VAMP7: variants seen among roughly 807,000 people sequenced by gnomAD.
The protein encoded by VAMP7 is vesicle-associated membrane protein 7.
In VAMP7, 14 loss-of-function variants were observed where a neutral mutation model predicts 29.6. That is an observed-to-expected ratio of 0.47 (90% confidence interval 0.31 to 0.74). VAMP7 has a LOEUF of 0.74. Among genes scored for constraint, VAMP7 ranks in the 30% least tolerant of loss-of-function variants. VAMP7 has a pLI of 0.05. For synonymous variants in VAMP7, 95 were observed against 88.1 expected (o/e 1.08, Z -0.44); for missense variants, 223 against 262.4 (o/e 0.85, Z 1.04).
At chrX:155,905,169 T>A (rs1002433266) in intron 5 of VAMP7, among the ~76,000 whole-genome samples, 6 of 152,070 alleles carry the variant, frequency 3.9e-5, no homozygotes, top group Admixed American at 6.6e-5. Context: ...TGACTAATGA[T>A]GTTGAGCATT....
At chrX:155,898,349 G>T in intron 4 of VAMP7, 100 bp downstream of exon 4, 2 of 1,438,770 alleles carry the variant, frequency 1.4e-6, no homozygotes, top group East Asian at 2.3e-5. Flanking sequence ...ATAGTTTTCT[G>T]ATTGTGTTAC....
chrX:155,903,923 G>T (rs199837767), intron 5 of VAMP7, among the ~76,000 whole-genome samples: 1 of 151,972 alleles, frequency 6.6e-6, no homozygotes, highest in South Asian at 2.1e-4. Flanking sequence ...TATAGCGGCA[G>T]TATTCACAAT....
rs2066371711 is a variant in VAMP7 at position 155,919,934 on chromosome X, A to T, written c.501+54A>T. The T allele has an allele frequency of 2.2e-6, 3 of 1,359,894 alleles. No individual in the cohort carries two copies. The Admixed American group carries it at 5.8e-5, about 26-fold the overall frequency. 84.2% of individuals were successfully genotyped at this position (1,359,894 alleles called of 1,614,324 possible). On this transcript the variant is annotated intron_variant, in intron 6 of 7. Coordinates refer to ENST00000286448, the MANE Select transcript of VAMP7 (RefSeq NM_005638.6). Reference sequence around the variant, plus strand: ...CTGATGTAAAGTGGAGAAACTATGGATGATGGCTAACATAATTGGGAAATA... The same window carrying T: ...CTGATGTAAAGTGGAGAAACTATGGTTGATGGCTAACATAATTGGGAAATA...
intron 6 of VAMP7, among the ~76,000 whole-genome samples, chrX:155,927,481 CA>C (rs531998416): frequency 8.4e-3 from 938 of 111,182 alleles, no homozygotes; most frequent in African/African-American, 0.026. Flanking sequence ...TTCGATTTGC[CA>C]AAAAAAAAAA....
chrX:155,905,186 T>C (rs1033541353), intron 5 of VAMP7, among the ~76,000 whole-genome samples: 2 of 152,088 alleles, frequency 1.3e-5, no homozygotes, highest in African/African-American at 4.8e-5. Flanking sequence ...CATTTTTTCA[T>C]GTGCTTATAG....
At chrX:155,926,272 G>C (rs934794525) in intron 6 of VAMP7, among the ~76,000 whole-genome samples, 4 of 152,188 alleles carry the variant, frequency 2.6e-5, no homozygotes, top group African/African-American at 9.7e-5. Flanking sequence ...CAAAAGAAGG[G>C]TGTTTTGTTT....
intron 4 of VAMP7, among the ~76,000 whole-genome samples, chrX:155,899,004 A>G (rs2066024328): frequency 6.6e-6 from 1 of 151,996 alleles, no homozygotes; most frequent in Non-Finnish European, 1.5e-5. Context: ...AAGTAGTAGT[A>G]TATGCATATA....
chrX:155,889,389 A>G (rs1051608052), intron 1 of VAMP7, 69 bp from the exon 2 acceptor site: 7 of 1,559,954 alleles, frequency 4.5e-6, no homozygotes, highest in African/African-American at 2.7e-5. Flanking sequence ...TTGATAAATG[A>G]TAGTAAGTTA....
At chrX:155,906,634 A>G (rs1346265631) in intron 5 of VAMP7, among the ~76,000 whole-genome samples, 1 of 152,142 alleles carries the variant, frequency 6.6e-6, no homozygotes, top group African/African-American at 2.4e-5. Flanking sequence ...TAATGTATAG[A>G]AATTTTATTG....
At chrX:155,921,874 G>A (rs1042849142) in intron 6 of VAMP7, among the ~76,000 whole-genome samples, 1 of 151,908 alleles carries the variant, frequency 6.6e-6, no homozygotes, top group African/African-American at 2.4e-5. Flanking sequence ...CTTTGTGACT[G>A]CATTTAATAT....
At chrX:155,902,785 G>A (rs2066085072) in intron 5 of VAMP7, among the ~76,000 whole-genome samples, 1 of 149,180 alleles carries the variant, frequency 6.7e-6, no homozygotes, top group African/African-American at 2.4e-5. Flanking sequence ...ATTTTATTGA[G>A]GATTTTTGCA....
intron 5 of VAMP7, among the ~76,000 whole-genome samples, chrX:155,900,830 T>C (rs1159453744): frequency 6.6e-6 from 1 of 152,138 alleles, no homozygotes; most frequent in Non-Finnish European, 1.5e-5. Context: ...AAGAACCTTA[T>C]GATAATTCAG....
intron 1 of VAMP7, among the ~76,000 whole-genome samples, chrX:155,882,549 C>T (rs1056944534): frequency 6.6e-6 from 1 of 152,126 alleles, no homozygotes; most frequent in South Asian, 2.1e-4. Context: ...ATTCTTCATT[C>T]TTCTATCTCC....
At position 155,887,765 on chromosome X, in the gene VAMP7, C is replaced by CA. The variant is rs111606304; in HGVS notation, c.-9-1684dup. Among the ~76,000 whole-genome samples, 64 of 149,042 alleles carry CA rather than the reference C, an allele frequency of 4.3e-4. 1 individual carries two copies. The highest frequency in any genetic ancestry group is 1.3e-4 in the Admixed American group (2 of 14,964). On this transcript the variant is annotated intron_variant, in intron 1 of 7. Transcript: ENST00000286448. ...GTGACATGGTGAAACCCTGTCTGTA[C>CA]AAAAAAAAATACAAAAATAGCCGGA...
At chrX:155,918,381 G>A (rs908116824) in intron 5 of VAMP7, among the ~76,000 whole-genome samples, 2 of 152,132 alleles carry the variant, frequency 1.3e-5, no homozygotes, top group Admixed American at 6.5e-5. Context: ...CAGCTAGCTC[G>A]GTGTCTGCCC....
intron 4 of VAMP7, 141 bp downstream of exon 4, chrX:155,898,390 T>TA (rs112678188): frequency 4.8e-3 from 4,946 of 1,035,956 alleles, no homozygotes; most frequent in South Asian, 7.3e-3. Context: ...CTTCCCTGAT[T>TA]AAAAAAAAAA....
In VAMP7 at chrX:155,895,607, A is replaced by G. The variant is rs773319739; in HGVS notation, c.147-16A>G. 11 of 1,592,644 alleles carry G rather than the reference A, an allele frequency of 6.9e-6. No homozygotes were observed. Among genetic ancestry groups the G allele is most frequent in the Admixed American group, 5.0e-5 (3 of 59,926 alleles). On this transcript the variant is annotated splice_polypyrimidine_tract_variant and intron_variant, in intron 2 of 7. Transcript: ENST00000286448. ...TGCTTATAACCACAGTAAGTTTTAT[A>G]TCTTTTATTCTACAGTTATTTGTTT...
chrX:155,905,039 C>T (rs1246270220), intron 5 of VAMP7, among the ~76,000 whole-genome samples: 1 of 151,690 alleles, frequency 6.6e-6, no homozygotes, highest in Non-Finnish European at 1.5e-5. Flanking sequence ...TTTATACATT[C>T]CTAATAGCAA....
intron 6 of VAMP7, among the ~76,000 whole-genome samples, chrX:155,930,625 G>A (rs912387236): frequency 1.6e-4 from 24 of 150,970 alleles, no homozygotes; most frequent in Non-Finnish European, 2.8e-4. Flanking sequence ...ATTCCAGGCT[G>A]GGTTACAGAG....
Sources: gnomAD v4.1 joint callset for allele counts (sites outside exome capture counted in the v4.1 genomes callset) on GRCh38, gnomAD v4.1.1 for gene constraint, MANE v1.5 for transcripts, NCBI Gene and HGNC (gene_info 2026-07-23, HGNC 2026-07-21) for gene names.